The following DLGAP1 variants were observed in gnomAD, a reference collection of about 807,000 sequenced individuals.
DLGAP1 encodes DLG associated protein 1.
A neutral mutation model predicts 90.8 loss-of-function variants in DLGAP1; 11 were observed. The observed-to-expected ratio is 0.12, with a 90% CI of 0.08 to 0.20. DLGAP1 has a LOEUF of 0.20. DLGAP1 is among the 10% of genes least tolerant of loss of function. The probability of loss-of-function intolerance (pLI) is 1.00; values close to 1 mark genes in which losing one functional copy is unlikely to be tolerated. For missense variants in DLGAP1, 1,050 were observed against 1,333.8 expected (o/e 0.79, Z 3.31); for synonymous variants, 558 against 540.7 (o/e 1.03, Z -0.44).
Position 3,736,541 on chromosome 18 carries a change from T to C in DLGAP1, c.1350+5794A>G, listed in dbSNP as rs562367636. ...TAAGATATAATGCACTTAAATTCTA[T>C]AGTATTATAGCTTCTACTAATGATC... On this transcript the variant is annotated intron_variant, in intron 6 of 12. Coordinates refer to ENST00000315677, the MANE Select transcript of DLGAP1 (RefSeq NM_004746.4). Among the ~76,000 whole-genome samples, 104 of 152,308 alleles carry C rather than the reference T, an allele frequency of 6.8e-4. 1 individual carries two copies. Among genetic ancestry groups the C allele is most frequent in the Non-Finnish European group, 1.1e-3 (75 of 68,020 alleles).
chr18:3,569,955 TAC>T (rs1460447775), intron 8 of DLGAP1, among the ~76,000 whole-genome samples: 3 of 152,038 alleles, frequency 2.0e-5, no homozygotes, highest in Non-Finnish European at 4.4e-5. Context: ...GTATCTTTTG[TAC>T]TGTATTTTTA....
chr18:3,499,069 T>C lies in DLGAP1; in HGVS notation c.*116A>G. On this transcript the variant is annotated 3_prime_UTR_variant, in exon 13 of 13. Coordinates refer to ENST00000315677, the MANE Select transcript of DLGAP1 (RefSeq NM_004746.4). This position sits in a 1 kb window ranked among gnomAD's most constrained non-coding sequence, Gnocchi z 6.4. ...GAGGTGGACAACTACACCGCGACAG[T>C]GGAAGTCACCGAGCTCGGGAGCGGA... 1.1e-6 allele frequency: 1 copy of C among 911,532 alleles called. No individual in the cohort carries two copies. Among genetic ancestry groups the C allele is most frequent in the Non-Finnish European group, 1.5e-6 (1 of 651,916 alleles). 56.5% of individuals were successfully genotyped at this position (911,532 alleles called of 1,614,324 possible). A position where few individuals can be genotyped will look rare whatever the true frequency, so the allele number is the denominator to read the frequency against.
At chr18:3,682,455 G>C (rs1185180063) in intron 7 of DLGAP1, among the ~76,000 whole-genome samples, 1 of 152,188 alleles carries the variant, frequency 6.6e-6, no homozygotes, top group Non-Finnish European at 1.5e-5. Context: ...AAAAGCTCTA[G>C]ATATAAAGTC....
At chr18:4,349,956 A>G (rs1444622432) in intron 1 of DLGAP1, among the ~76,000 whole-genome samples, 2 of 152,130 alleles carry the variant, frequency 1.3e-5, no homozygotes, top group Non-Finnish European at 2.9e-5. Context: ...AAAAACATTT[A>G]TTGAATGTAT....
chr18:3,658,422 C>A (rs1004194560), intron 7 of DLGAP1, among the ~76,000 whole-genome samples: 4 of 152,134 alleles, frequency 2.6e-5, no homozygotes, highest in Non-Finnish European at 4.4e-5. Context: ...GTGTCAGGCC[C>A]AGGGAAGACC....
intron 1 of DLGAP1, among the ~76,000 whole-genome samples, chr18:4,298,259 G>A (rs566529849): frequency 6.6e-6 from 1 of 152,218 alleles, no homozygotes; most frequent in East Asian, 1.9e-4. Context: ...ATCTGTGTTT[G>A]CTTGAAAGAA....
At chr18:3,596,773 T>G in intron 7 of DLGAP1, 1 of 502,382 alleles carries the variant, frequency 2.0e-6, no homozygotes. Context: ...GAAGGGGAGG[T>G]GATCGGGGCA....
At chr18:4,055,656 C>T (rs896947276) in intron 2 of DLGAP1, among the ~76,000 whole-genome samples, 2 of 152,116 alleles carry the variant, frequency 1.3e-5, no homozygotes, top group Admixed American at 1.3e-4. Context: ...AGGGTCACGA[C>T]TAACTGTAAA....
rs1174256229 is a variant in DLGAP1 at position 3,498,967 on chromosome 18, A to C, written c.*218T>G. 3.6e-6 allele frequency: 2 copies of C among 558,350 alleles called. No homozygotes were observed. The highest frequency in any genetic ancestry group is 6.3e-6 in the Non-Finnish European group (2 of 319,604). 34.6% of individuals were successfully genotyped at this position (558,350 alleles called of 1,614,324 possible). ...GGCGACGGCATCAGGACAGGGGGCGAAGCTCGGTGAAGAAGGAGATGGGCA... is the reference window on the plus strand; with the variant it reads ...GGCGACGGCATCAGGACAGGGGGCGCAGCTCGGTGAAGAAGGAGATGGGCA... On this transcript the variant is annotated 3_prime_UTR_variant, in exon 13 of 13. Transcript: ENST00000315677.
intron 2 of DLGAP1, among the ~76,000 whole-genome samples, chr18:4,043,457 G>A (rs1167331208): frequency 6.6e-6 from 1 of 152,158 alleles, no homozygotes. Flanking sequence ...CAAACCATAT[G>A]TTATATTTAG....
At chr18:4,359,514 C>T (rs2081589426) in intron 1 of DLGAP1, among the ~76,000 whole-genome samples, 1 of 152,194 alleles carries the variant, frequency 6.6e-6, no homozygotes, top group Admixed American at 6.5e-5. Flanking sequence ...CACAGGTTTT[C>T]CTGTTTCTTT....
At chr18:3,959,671 A>G (rs1459592029) in intron 3 of DLGAP1, among the ~76,000 whole-genome samples, 1 of 151,446 alleles carries the variant, frequency 6.6e-6, no homozygotes, top group Non-Finnish European at 1.5e-5. Flanking sequence ...CTCAAAAAAA[A>G]AGAAAGAAAG....
At position 3,958,950 on chromosome 18, in the gene DLGAP1, C is replaced by T. The variant is rs181114123; in HGVS notation, c.-73+46166G>A. Among the ~76,000 whole-genome samples, 39 of 152,316 alleles carry T rather than the reference C, an allele frequency of 2.6e-4. 1 individual carries two copies. Among genetic ancestry groups the T allele is most frequent in the African/African-American group, 8.7e-4 (36 of 41,576 alleles). On this transcript the variant is annotated intron_variant, in intron 3 of 12. Transcript: ENST00000315677. ...AGTTATCTTATTCTTAGACCTCGAA[C>T]CTTCCCCTTTCAAGCATGAAACCAA...
chr18:4,015,811 C>A (rs1205807470), intron 2 of DLGAP1, among the ~76,000 whole-genome samples: 1 of 152,174 alleles, frequency 6.6e-6, no homozygotes, highest in Non-Finnish European at 1.5e-5. Flanking sequence ...CACACTATAA[C>A]AAAAATCATA....
chr18:4,080,307 A>G (rs2075586804), intron 2 of DLGAP1, among the ~76,000 whole-genome samples: 1 of 152,252 alleles, frequency 6.6e-6, no homozygotes, highest in Non-Finnish European at 1.5e-5. Context: ...TCTTAATGAT[A>G]ACGCTATCAT....
intron 2 of DLGAP1, among the ~76,000 whole-genome samples, chr18:4,149,737 G>A (rs963957634): frequency 1.3e-5 from 2 of 152,226 alleles, no homozygotes; most frequent in Non-Finnish European, 2.9e-5. Context: ...TGCTCCTTAT[G>A]AGAATCTCAT....
intron 7 of DLGAP1, among the ~76,000 whole-genome samples, chr18:3,624,050 G>A (rs1226580491): frequency 2.0e-5 from 3 of 152,252 alleles, no homozygotes; most frequent in African/African-American, 7.2e-5. Context: ...GCACATTTAG[G>A]CCCTTTCTGG....
intron 2 of DLGAP1, among the ~76,000 whole-genome samples, chr18:4,057,274 C>A (rs571297250): frequency 6.6e-6 from 1 of 152,304 alleles, no homozygotes; most frequent in African/African-American, 2.4e-5. Context: ...TCGATAAGAT[C>A]TCAGGAGTTG....
At chr18:3,507,918 G>A (rs1224425849) in intron 11 of DLGAP1, among the ~76,000 whole-genome samples, 1 of 152,100 alleles carries the variant, frequency 6.6e-6, no homozygotes, top group Non-Finnish European at 1.5e-5. Flanking sequence ...TGTATCTTTA[G>A]TAGAGACAGG....
Sources: gnomAD v4.1 joint callset for allele counts (sites outside exome capture counted in the v4.1 genomes callset) on GRCh38, gnomAD v4.1.1 for gene constraint, Gnocchi (gnomAD v3.1) non-coding constraint, MANE v1.5 for transcripts, NCBI Gene and HGNC (gene_info 2026-07-23, HGNC 2026-07-21) for gene names.